The following ABCA13 variants were observed in gnomAD, a reference collection of about 807,000 sequenced individuals.
The protein encoded by ABCA13 is ATP-binding cassette sub-family A member 13.
A neutral mutation model predicts 478.7 loss-of-function variants in ABCA13; 476 were observed. The observed-to-expected ratio is 0.99, with a 90% CI of 0.92 to 1.07. The LOEUF is 1.07. ABCA13 is among the 50% of genes least tolerant of loss of function. The probability of loss-of-function intolerance (pLI) is 0.00; values close to 1 mark genes in which losing one functional copy is unlikely to be tolerated. For missense variants in ABCA13, 6,060 were observed against 5,910.6 expected (o/e 1.03, Z -0.83); for synonymous variants, 2,252 against 2,158.9 (o/e 1.04, Z -1.20).
In ABCA13 at chr7:48,423,568, C is replaced by A. The variant is rs1466532552; in HGVS notation, c.12460-4198C>A. Among the ~76,000 whole-genome samples the A allele has an allele frequency of 2.6e-5, 4 of 152,232 alleles. No homozygotes were observed. The East Asian group carries it at 7.7e-4, about 29-fold the overall frequency. ...GGACTCATGGCTGAGGGACTGATAGCACAATCAGTGTAGAGATGACACTGG... is the reference window on the plus strand; with the variant it reads ...GGACTCATGGCTGAGGGACTGATAGAACAATCAGTGTAGAGATGACACTGG... On this transcript the variant is annotated intron_variant, in intron 41 of 61. Transcript: ENST00000435803.
intron 43 of ABCA13, among the ~76,000 whole-genome samples, chr7:48,461,389 A>G (rs17132342): frequency 0.19 from 28,589 of 152,162 alleles, 3,116 homozygotes; most frequent in African/African-American, 0.29. Context: ...CCCCAAGAGC[A>G]TTCTTCCTCT....
intron 42 of ABCA13, among the ~76,000 whole-genome samples, chr7:48,444,862 G>T (rs28707009): frequency 0.3 from 45,107 of 151,838 alleles, 6,742 homozygotes; most frequent in East Asian, 0.37. Flanking sequence ...AGAGAATATT[G>T]CTGCTCTCTA....
chr7:48,592,672 G>C (rs979515947), intron 57 of ABCA13, among the ~76,000 whole-genome samples: 10 of 151,732 alleles, frequency 6.6e-5, no homozygotes, highest in Admixed American at 6.6e-4. Context: ...TGAAAGTGGA[G>C]CCTTGAACTC....
At chr7:48,341,846 ATATCTTTCTGATATATATATATATATC>A (rs1807229139) in intron 29 of ABCA13, among the ~76,000 whole-genome samples, 1 of 142,770 alleles carries the variant, frequency 7.0e-6, no homozygotes. Context: ...ATATATATAT[ATATCTTTCTGATATATATATATATATC>A]TTTCTGATAT....
chr7:48,379,215 T>G (rs1278368776), intron 35 of ABCA13, among the ~76,000 whole-genome samples: 1 of 152,234 alleles, frequency 6.6e-6, no homozygotes, highest in Non-Finnish European at 1.5e-5. Flanking sequence ...GTTGGCAATT[T>G]GCATATTCTT....
chr7:48,400,773 C>G (rs191526864), intron 38 of ABCA13, among the ~76,000 whole-genome samples: 2 of 152,330 alleles, frequency 1.3e-5, no homozygotes, highest in Admixed American at 1.3e-4. Context: ...TGGCCAATGC[C>G]TCAGTGGCTT....
intron 10 of ABCA13, among the ~76,000 whole-genome samples, chr7:48,244,253 A>G (rs1156327009): frequency 6.6e-6 from 1 of 152,208 alleles, no homozygotes; most frequent in African/African-American, 2.4e-5. Flanking sequence ...CTCATTAACT[A>G]TAGGCTTCAA....
chr7:48,418,066 T>C (rs1400085674), intron 41 of ABCA13, among the ~76,000 whole-genome samples: 15 of 152,230 alleles, frequency 9.9e-5, no homozygotes. Context: ...TGTACCATAG[T>C]CTATTTATCT....
At chr7:48,529,212 T>C (rs1833065939) in intron 55 of ABCA13, among the ~76,000 whole-genome samples, 1 of 152,232 alleles carries the variant, frequency 6.6e-6, no homozygotes, top group Non-Finnish European at 1.5e-5. Flanking sequence ...CTCAATTTGC[T>C]CTTTGATTTG....
At position 48,240,371 on chromosome 7, in the gene ABCA13, G is replaced by T. The variant is rs1315679607; in HGVS notation, c.1063-496G>T. 2.6e-5 allele frequency among the ~76,000 whole-genome samples: 4 copies of T among 152,162 alleles called. No individual in the cohort carries two copies. In the East Asian group the frequency reaches 7.7e-4, roughly 29 times the overall value. ...ACATGTACATCGTGCACCTCTCCAT[G>T]CCATCAGGCTTGGGCAAGAATGATC... is the stretch of plus-strand genomic sequence containing the variant. On this transcript the variant is annotated intron_variant, in intron 9 of 61. Coordinates refer to ENST00000435803, the MANE Select transcript of ABCA13 (RefSeq NM_152701.5).
chr7:48,642,862 T>C (rs1795194718), intron 59 of ABCA13, among the ~76,000 whole-genome samples: 1 of 152,172 alleles, frequency 6.6e-6, no homozygotes, highest in Non-Finnish European at 1.5e-5. Context: ...TGCCTGGTAA[T>C]TACATATGCA....
At chr7:48,598,331 G>A (rs953909748) in intron 58 of ABCA13, among the ~76,000 whole-genome samples, 8 of 152,036 alleles carry the variant, frequency 5.3e-5, no homozygotes, top group East Asian at 1.9e-4. Context: ...CCACTCATCC[G>A]CTGAACCACA....
intron 29 of ABCA13, among the ~76,000 whole-genome samples, chr7:48,344,233 T>TAG (rs778526335): frequency 3.3e-5 from 5 of 152,284 alleles, no homozygotes; most frequent in Admixed American, 6.5e-5. Flanking sequence ...ACCTAACAGG[T>TAG]AGAGGCTAGG....
In ABCA13 at chr7:48,524,441, G is replaced by A; in HGVS notation, c.14244+1G>A. ...TAGTTTGGGCATACCAAAAGGAGAG[G>A]TAATGAAGCTTCTATTTTTAATCTT... On this transcript the variant is annotated splice_donor_variant, in intron 54 of 61. Transcript: ENST00000435803. LOFTEE classifies it high-confidence loss of function. 6.3e-7 allele frequency: 1 copy of A among 1,596,746 alleles called. No individual in the cohort carries two copies. Among genetic ancestry groups the A allele is most frequent in the South Asian group, 1.2e-5 (1 of 86,916 alleles).
chr7:48,335,319 G>A, intron 27 of ABCA13, 103 bp from the exon 28 acceptor site: 1 of 729,086 alleles, frequency 1.4e-6, no homozygotes, highest in Non-Finnish European at 2.1e-6. Context: ...CCTGCAGGCA[G>A]ATCTTTGCTC....
chr7:48,393,459 A>G (rs1816375183), intron 38 of ABCA13, among the ~76,000 whole-genome samples: 1 of 152,226 alleles, frequency 6.6e-6, no homozygotes. Flanking sequence ...TATAACTGGT[A>G]ATGGACTGCA....
At position 48,227,331 on chromosome 7, in the gene ABCA13, G is replaced by A. The variant is rs1339226902; in HGVS notation, c.538G>A (p.Asp180Asn). The change falls in exon 6 of 62, where the codon GAT becomes AAT. Residue 180 changes from aspartate to asparagine, a missense_variant. Asp to Asn is a conservative substitution (Grantham distance 23, BLOSUM62 1). Transcript: ENST00000435803. ...CCTCCATCAGCAGCCTCATATCTGG[G>A]ATTTTCTACTTTTACTGCCGAGACT... is the stretch of plus-strand genomic sequence containing the variant. ...ESLHQQPHIW[D>N]FLLLLPRLHT... 1 of 1,538,772 alleles carries A rather than the reference G, an allele frequency of 6.5e-7. No individual in the cohort carries two copies.
At chr7:48,388,698 C>A (rs1169907657) in intron 36 of ABCA13, among the ~76,000 whole-genome samples, 2 of 152,240 alleles carry the variant, frequency 1.3e-5, no homozygotes, top group African/African-American at 2.4e-5. Flanking sequence ...TCCACTCTCA[C>A]GTCCTCAGGA....
chr7:48,222,834 G>T lies in ABCA13; in HGVS notation c.468+1525G>T, dbSNP rs185662452. Among the ~76,000 whole-genome samples the T allele has an allele frequency of 2.1e-3, 320 of 152,236 alleles. 1 individual carries two copies. The highest frequency in any genetic ancestry group is 7.4e-3 in the African/African-American group (309 of 41,532). ...AATAATCTGAGCAGAGGAATGGTGG[G>T]ACTTGAGTTATGTTTTTGGAGGATT... On this transcript the variant is annotated intron_variant, in intron 5 of 61. Transcript: ENST00000435803.
Sources: allele counts gnomAD v4.1 joint callset (sites outside exome capture counted in the v4.1 genomes callset), GRCh38; gene constraint gnomAD v4.1.1; transcripts MANE v1.5; gene names NCBI Gene and HGNC (gene_info 2026-07-23, HGNC 2026-07-21).